The following THOC2 variants were observed in gnomAD, a reference collection of about 807,000 sequenced individuals.
The protein encoded by THOC2 is THO complex 2.
Under a neutral mutation model 128.4 loss-of-function variants are expected in THOC2, and 10 were observed. The observed-to-expected ratio is 0.08, with a 90% CI of 0.05 to 0.13. The LOEUF is 0.13. THOC2 is among the 10% of genes least tolerant of loss of function. The pLI, the probability that THOC2 is intolerant of heterozygous loss-of-function variation, is 1.00. For synonymous variants in THOC2, 393 were observed against 396.9 expected (o/e 0.99, Z 0.12); for missense variants, 535 against 1,155.7 (o/e 0.46, Z 7.79).
At position 123,663,019 on chromosome X, in the gene THOC2, T is replaced by C. The variant is rs571928617; in HGVS notation, c.1386+2623A>G. On this transcript the variant is annotated intron_variant, in intron 12 of 38. Transcript: ENST00000245838. ...TACAATAGCTGTTAGGAATGCAAAA[T>C]GGTACAGATGCTTTGGAACAGTTTG... Among the ~76,000 whole-genome samples, 5 of 112,007 alleles carry C rather than the reference T, an allele frequency of 4.5e-5. No homozygotes were observed. The South Asian group carries it at 1.1e-3, about 25-fold the overall frequency.
intron 4 of THOC2, among the ~76,000 whole-genome samples, chrX:123,700,053 T>A (rs1242162397): frequency 9.0e-6 from 1 of 111,110 alleles, no homozygotes; most frequent in Non-Finnish European, 1.9e-5. Flanking sequence ...TCCCCTATGA[T>A]TTCAATAAAA....
intron 8 of THOC2, among the ~76,000 whole-genome samples, chrX:123,681,980 A>C (rs1157229188): frequency 9.0e-6 from 1 of 111,200 alleles, no homozygotes; most frequent in Non-Finnish European, 1.9e-5. Context: ...AATCGCTTAA[A>C]CCCAGGAGGC....
chrX:123,698,596 C>G (rs377231261), intron 4 of THOC2, among the ~76,000 whole-genome samples: 1 of 109,455 alleles, frequency 9.1e-6, no homozygotes, highest in Non-Finnish European at 1.9e-5. Context: ...TATTTTTGGC[C>G]GGGTACAGTG....
At chrX:123,644,486 A>T in intron 15 of THOC2, 89 bp downstream of exon 15, 12 of 670,364 alleles carry the variant, frequency 1.8e-5, no homozygotes, top group Non-Finnish European at 2.6e-5. Context: ...AGGCTTTCCC[A>T]AAACTGAGGC....
chrX:123,650,102 G>C (rs753261242), intron 12 of THOC2, among the ~76,000 whole-genome samples: 1 of 111,974 alleles, frequency 8.9e-6, no homozygotes, highest in Non-Finnish European at 1.9e-5. Flanking sequence ...GACTAACAGC[G>C]GATCTCTCAG....
rs188568615 is a variant in THOC2 at position 123,657,431 on chromosome X, A to G, written c.1386+8211T>C. Among the ~76,000 whole-genome samples, 473 of 110,965 alleles carry G rather than the reference A, an allele frequency of 4.3e-3. 2 individuals are homozygous for G. The highest frequency in any genetic ancestry group is 0.015 in the African/African-American group (447 of 30,640). On this transcript the variant is annotated intron_variant, in intron 12 of 38. Transcript: ENST00000245838. Reference sequence around the variant, plus strand: ...GATGCAAAAAGTAAATAAATAAATAAATAAATAAACAAATAAATAAAACAA... The same window carrying G: ...GATGCAAAAAGTAAATAAATAAATAGATAAATAAACAAATAAATAAAACAA...
chrX:123,719,824 G>A lies in THOC2; in HGVS notation c.72-6916C>T, dbSNP rs144358999. Among the ~76,000 whole-genome samples the A allele has an allele frequency of 6.9e-3, 750 of 108,535 alleles. 6 individuals carry two copies. The highest frequency in any genetic ancestry group is 0.023 in the African/African-American group (687 of 29,849). 94.2% of individuals were successfully genotyped at this position (108,535 alleles called of 115,157 possible). A position where few individuals can be genotyped will look rare whatever the true frequency, so the allele number is the denominator to read the frequency against. On this transcript the variant is annotated intron_variant, in intron 1 of 38. Coordinates refer to ENST00000245838, the MANE Select transcript of THOC2 (RefSeq NM_001081550.2). ...TGTGGTGTGAGTCCTAGCTACTCGG[G>A]AGGCTGAAGCGGGAGGATTGCTTGA... is the stretch of plus-strand genomic sequence containing the variant.
chrX:123,670,351 G>C (rs2049222982), intron 9 of THOC2, among the ~76,000 whole-genome samples: 1 of 112,857 alleles, frequency 8.9e-6, no homozygotes, highest in Non-Finnish European at 1.9e-5. Context: ...GGGCATGGTG[G>C]CTCACGCTTG....
chrX:123,603,095 A>G (rs1323998094), intron 38 of THOC2: 1 of 110,774 alleles, frequency 9.0e-6, no homozygotes, highest in Non-Finnish European at 1.9e-5. Flanking sequence ...AAAAAAGTCA[A>G]TGTTCCAATT....
rs201024987 is a variant in THOC2 at position 123,671,772 on chromosome X, A to T, written c.769-11T>A. ...CTCGCCATTTGGTTCCTAGAAATAT[A>T]AAAAAAAAAGTTTCCATTTAGTGCA... On this transcript the variant is annotated splice_polypyrimidine_tract_variant and intron_variant, in intron 8 of 38. Transcript: ENST00000245838. The T allele has an allele frequency of 8.0e-6, 7 of 874,560 alleles. No individual in the cohort carries two copies. The highest frequency in any genetic ancestry group is 6.4e-5 in the Admixed American group (2 of 31,292). The allele number at this position is 874,560 out of a possible 1,213,427, so 72.1% of individuals were successfully genotyped here. A position where few individuals can be genotyped will look rare whatever the true frequency, so the allele number is the denominator to read the frequency against.
rs763594561 is a variant in THOC2 at position 123,611,469 on chromosome X, G to A, written c.4725C>T (p.Asp1575=). The A allele has an allele frequency of 1.7e-6, 2 of 1,196,258 alleles. No homozygotes were observed. The highest frequency in any genetic ancestry group is 3.0e-5 in the East Asian group (1 of 33,710). ...KEKIEKKEKR[D]SSGGKEEKKH... ...TCTTCTCTTCCTTTCCTCCTGAACT[G>A]TCCCGTTTCTCTTTCTTTTCTATCT... is the stretch of plus-strand genomic sequence containing the variant. The change falls in exon 37 of 39, where the codon GAC becomes GAT. Residue 1575 remains aspartate, a synonymous_variant. Transcript: ENST00000245838.
rs199902229 is a variant in THOC2, at chrX:123,647,445, GCATTCATT to G, written c.1387-2078_1387-2071del. On this transcript the variant is annotated intron_variant, in intron 12 of 38. Coordinates refer to ENST00000245838, the MANE Select transcript of THOC2 (RefSeq NM_001081550.2). ...AACAGGGAGGGAGAACAAGAGACAT[GCATTCATT>G]CATTCATTCATTCATTCAATGACTA... is the stretch of plus-strand genomic sequence containing the variant. Among the ~76,000 whole-genome samples, 3 of 111,065 alleles carry G rather than the reference GCATTCATT, an allele frequency of 2.7e-5. No individual in the cohort carries two copies. In the South Asian group the frequency reaches 1.1e-3, roughly 42 times the overall value.
At chrX:123,717,100 G>A (rs2051457848) in intron 1 of THOC2, among the ~76,000 whole-genome samples, 1 of 111,643 alleles carries the variant, frequency 9.0e-6, no homozygotes, top group African/African-American at 3.3e-5. Context: ...GAGCAATTGG[G>A]CAAAAAGAAG....
intron 8 of THOC2, among the ~76,000 whole-genome samples, chrX:123,684,747 CTT>C (rs1401433526): frequency 3.6e-5 from 4 of 112,238 alleles, no homozygotes; most frequent in African/African-American, 1.3e-4. Flanking sequence ...TACCATGTCT[CTT>C]GTTTGGTATT....
rs1422474124 is a variant in THOC2 at position 123,638,083 on chromosome X, T to C, written c.1881A>G (p.Arg627=). 2 of 1,198,525 alleles carry C rather than the reference T, an allele frequency of 1.7e-6. No individual in the cohort carries two copies. Among genetic ancestry groups the C allele is most frequent in the Non-Finnish European group, 2.3e-6 (2 of 886,590 alleles). The part of the protein sequence containing the change: ...IEALANPEKE[R]MKHDDTTISS... ...AGATGGTTGTGTCATCATGTTTCATTCTTTCCTTTTCTGGATTAGCTAAAG... is the reference window on the plus strand; with the variant it reads ...AGATGGTTGTGTCATCATGTTTCATCCTTTCCTTTTCTGGATTAGCTAAAG... Residue 627 remains arginine, a synonymous_variant, in exon 18 of 39, where the codon AGA becomes AGG. Coordinates refer to ENST00000245838, the MANE Select transcript of THOC2 (RefSeq NM_001081550.2).
chrX:123,688,571 A>G (rs2050098310), intron 7 of THOC2, among the ~76,000 whole-genome samples: 1 of 110,681 alleles, frequency 9.0e-6, no homozygotes, highest in South Asian at 3.9e-4. Context: ...TCACTACAAA[A>G]AATTAGCCAG....
intron 8 of THOC2, among the ~76,000 whole-genome samples, chrX:123,685,904 A>G (rs1251839890): frequency 6.3e-5 from 7 of 111,563 alleles, no homozygotes; most frequent in Non-Finnish European, 1.3e-4. Context: ...ATAAAACAAA[A>G]TTCGTGATCC....
At chrX:123,626,830 T>C (rs2047286788) in intron 23 of THOC2, among the ~76,000 whole-genome samples, 168 bp from the exon 24 acceptor site, 1 of 112,217 alleles carries the variant, frequency 8.9e-6, no homozygotes, top group South Asian at 3.7e-4. Flanking sequence ...CTCATAACAC[T>C]GTCATGGCAT....
intron 12 of THOC2, among the ~76,000 whole-genome samples, chrX:123,665,220 C>G (rs763429112): frequency 8.9e-6 from 1 of 111,901 alleles, no homozygotes; most frequent in African/African-American, 3.2e-5. Flanking sequence ...GTCCTAACAT[C>G]TTAGTGCAAG....
Sources: gnomAD v4.1 joint callset for allele counts (sites outside exome capture counted in the v4.1 genomes callset) on GRCh38, gnomAD v4.1.1 for gene constraint, MANE v1.5 for transcripts, NCBI Gene and HGNC (gene_info 2026-07-23, HGNC 2026-07-21) for gene names.